The following OTUD7A variants were observed in gnomAD, a reference collection of about 807,000 sequenced individuals.
OTUD7A encodes the protein OTU domain-containing protein 7A.
In OTUD7A, 12 loss-of-function variants were observed where a neutral mutation model predicts 65.7. The observed-to-expected ratio is 0.18, with a 90% CI of 0.12 to 0.30. The LOEUF (loss-of-function observed/expected upper bound fraction) is 0.30, where lower values mean the gene tolerates loss of function less well. OTUD7A is among the 10% of genes least tolerant of loss of function. The pLI, the probability that OTUD7A is intolerant of heterozygous loss-of-function variation, is 1.00. For missense variants in OTUD7A, 1,148 were observed against 1,304.8 expected (o/e 0.88, Z 1.85); for synonymous variants, 641 against 586.3 (o/e 1.09, Z -1.35).
At chr15:31,795,417 G>A (rs1895926361) in intron 1 of OTUD7A, among the ~76,000 whole-genome samples, 1 of 152,222 alleles carries the variant, frequency 6.6e-6, no homozygotes, top group Non-Finnish European at 1.5e-5. Flanking sequence ...GAATATTGGA[G>A]TGCTGACCTG....
chr15:31,722,807 A>G (rs1266997821), intron 1 of OTUD7A, among the ~76,000 whole-genome samples: 1 of 152,246 alleles, frequency 6.6e-6, no homozygotes, highest in African/African-American at 2.4e-5. Flanking sequence ...CCTAGACAAT[A>G]TAAGATTACA....
intron 8 of OTUD7A, among the ~76,000 whole-genome samples, chr15:31,514,908 C>T (rs901847088): frequency 2.0e-5 from 3 of 152,222 alleles, no homozygotes; most frequent in Non-Finnish European, 4.4e-5. Flanking sequence ...GGTCTAAATG[C>T]AGTGCTCCTG....
At chr15:31,703,284 A>G (rs1424868747) in intron 1 of OTUD7A, among the ~76,000 whole-genome samples, 1 of 152,226 alleles carries the variant, frequency 6.6e-6, no homozygotes, top group Admixed American at 6.5e-5. Context: ...TCTGTGAAAG[A>G]GAGTAAAAAG....
At chr15:31,698,633 ATCT>A in intron 1 of OTUD7A, among the ~76,000 whole-genome samples, 1 of 150,418 alleles carries the variant, frequency 6.6e-6, no homozygotes, top group South Asian at 2.1e-4. Flanking sequence ...TAATAGCTTC[ATCT>A]TCTCTCTTTC....
chr15:31,767,097 A>G (rs1473548670), intron 1 of OTUD7A: 3 of 1,554,518 alleles, frequency 1.9e-6, no homozygotes, highest in Non-Finnish European at 2.6e-6. Flanking sequence ...GTAGTCTCTC[A>G]GTAGAATCTG....
intron 1 of OTUD7A, among the ~76,000 whole-genome samples, chr15:31,811,426 G>A (rs902593610): frequency 6.6e-6 from 1 of 151,692 alleles, no homozygotes; most frequent in African/African-American, 2.4e-5. Context: ...TGTGTGTGTG[G>A]TATGTGTGAG....
intron 3 of OTUD7A, among the ~76,000 whole-genome samples, chr15:31,645,031 A>G (rs1194785850): frequency 6.6e-6 from 1 of 152,052 alleles, no homozygotes; most frequent in Non-Finnish European, 1.5e-5. Context: ...GAATCGCTGC[A>G]GTTCTCTCTG....
chr15:31,835,912 T>C (rs1503002), intron 1 of OTUD7A, among the ~76,000 whole-genome samples: 87,218 of 151,804 alleles, frequency 0.57, 25,654 homozygotes, highest in East Asian at 0.69. Context: ...ATATTTGCAG[T>C]ATACTTACTA....
chr15:31,777,477 G>C (rs753850332), intron 1 of OTUD7A, among the ~76,000 whole-genome samples: 1 of 152,178 alleles, frequency 6.6e-6, no homozygotes, highest in Admixed American at 6.5e-5. Flanking sequence ...ATGAACTGTG[G>C]GGTTGCCAGG....
intron 1 of OTUD7A, among the ~76,000 whole-genome samples, chr15:31,815,214 C>T (rs534762155): frequency 2.0e-5 from 3 of 152,184 alleles, no homozygotes; most frequent in East Asian, 3.9e-4. Context: ...CCTGCCAGGA[C>T]GTTTGTGCTG....
intron 1 of OTUD7A, chr15:31,768,189 C>A (rs536676285): frequency 3.2e-6 from 4 of 1,258,410 alleles, no homozygotes; most frequent in African/African-American, 1.5e-5. Context: ...GGAGGCACAA[C>A]CCGACTCTCC....
At position 31,860,622 on chromosome 15, in the gene OTUD7A, G is replaced by GATAAATATATATATATATATATAT. The variant is rs59869625; in HGVS notation, c.-100+9884_-100+9885insATATATATATATATATATATTTAT. Among the ~76,000 whole-genome samples the GATAAATATATATATATATATATAT allele has an allele frequency of 3.2e-3, 85 of 26,848 alleles. 8 individuals carry two copies. The highest frequency in any genetic ancestry group is 8.0e-3 in the Admixed American group (13 of 1,632). The allele number at this position is 26,848 out of a possible 152,430, so 17.6% of individuals were successfully genotyped here. A position where few individuals can be genotyped will look rare whatever the true frequency, so the allele number is the denominator to read the frequency against. On this transcript the variant is annotated intron_variant, in intron 1 of 12. Coordinates refer to ENST00000307050, the MANE Select transcript of OTUD7A (RefSeq NM_001382637.1). ...TATTCTCCTCGACCCCAGAAGTGGA[G>GATAAATATATATATATATATATAT]ATATATATATATATATATATATGTA...
intron 5 of OTUD7A, among the ~76,000 whole-genome samples, chr15:31,541,508 T>C (rs528036685): frequency 6.6e-6 from 1 of 152,168 alleles, no homozygotes; most frequent in Non-Finnish European, 1.5e-5. Flanking sequence ...TCTGGTCGTT[T>C]GAAAAGAGAA....
chr15:31,483,315 C>T lies in OTUD7A; in HGVS notation c.2781G>A (p.Glu927=). 1 of 1,195,934 alleles carries T rather than the reference C, an allele frequency of 8.4e-7. No homozygotes were observed. Among genetic ancestry groups the T allele is most frequent in the South Asian group, 2.8e-5 (1 of 36,168 alleles). 74.1% of individuals were successfully genotyped at this position (1,195,934 alleles called of 1,614,324 possible). A position where few individuals can be genotyped will look rare whatever the true frequency, so the allele number is the denominator to read the frequency against. ...CYREELRRRR[E]ARGARP The stretch of plus-strand genomic sequence containing the variant: ...CCGCTCAGGGCCGGGCCCCGCGCGC[C>T]TCGCGCCGCCGCCGCAGCTCCTCGC... Residue 927 remains glutamate, a synonymous_variant, in exon 13 of 13, where the codon GAG becomes GAA. Transcript: ENST00000307050.
intron 3 of OTUD7A, among the ~76,000 whole-genome samples, chr15:31,619,403 T>C (rs1296870601): frequency 3.9e-5 from 6 of 152,240 alleles, no homozygotes; most frequent in African/African-American, 4.8e-5. Flanking sequence ...TTCCTATCCA[T>C]GAGCATGGAA....
intron 1 of OTUD7A, among the ~76,000 whole-genome samples, chr15:31,836,163 G>A (rs554900623): frequency 2.6e-5 from 4 of 151,500 alleles, no homozygotes; most frequent in African/African-American, 9.7e-5. Flanking sequence ...ACACAGCACT[G>A]TTTCATAATT....
At chr15:31,624,557 G>T (rs35331530) in intron 3 of OTUD7A, among the ~76,000 whole-genome samples, 2 of 152,092 alleles carry the variant, frequency 1.3e-5, no homozygotes, top group Non-Finnish European at 2.9e-5. Flanking sequence ...GAGAGAAAAT[G>T]ACCATTGATG....
At chr15:31,491,739 G>C (rs1246587664) in intron 10 of OTUD7A, among the ~76,000 whole-genome samples, 2 of 152,008 alleles carry the variant, frequency 1.3e-5, no homozygotes, top group African/African-American at 4.8e-5. Context: ...AAGACAAAAA[G>C]AAAGTCTTGA....
chr15:31,728,976 A>C (rs1358321810), intron 1 of OTUD7A, among the ~76,000 whole-genome samples: 1 of 152,226 alleles, frequency 6.6e-6, no homozygotes, highest in Admixed American at 6.5e-5. Context: ...TTTCTTACCC[A>C]TGGTCAACCA....
Sources: gnomAD v4.1 joint callset for allele counts (sites outside exome capture counted in the v4.1 genomes callset) on GRCh38, gnomAD v4.1.1 for gene constraint, MANE v1.5 for transcripts, NCBI Gene and HGNC (gene_info 2026-07-23, HGNC 2026-07-21) for gene names.